WFDC6: variants seen among roughly 807,000 people sequenced by gnomAD.
The protein encoded by WFDC6 is WAP four-disulfide core domain protein 6.
WFDC6 carries 10 observed loss-of-function variants against 8.2 expected under a neutral mutation model. That is an observed-to-expected ratio of 1.22 (90% CI 0.75 to 2.07). WFDC6 has a LOEUF of 2.07. Ranked by LOEUF, WFDC6 falls within the 30% of genes most tolerant of loss-of-function variation. The pLI is 0.00. For missense variants in WFDC6, 105 were observed against 104.9 expected, an observed-to-expected ratio of 1.00 and a Z score of 0.00; for synonymous variants, 28 against 37.0, an observed-to-expected ratio of 0.76 and a Z score of 0.88.
intron 1 of WFDC6, 32 bp downstream of exon 1, chr20:45,539,285 C>T (rs1568987278): frequency 6.3e-7 from 1 of 1,596,898 alleles, no homozygotes; most frequent in Non-Finnish European, 8.6e-7. Flanking sequence ...GTTTCCTTTC[C>T]CCATTGCAAG....
chr20:45,534,470 T>C lies in WFDC6; in HGVS notation c.258A>G (p.Glu86=). The change falls in exon 3 of 3, where the codon GAA becomes GAG. Residue 86 remains glutamate, a synonymous_variant. Coordinates refer to ENST00000372670, the MANE Select transcript of WFDC6 (RefSeq NM_080827.2). The stretch of plus-strand genomic sequence containing the variant: ...ATTATGAGCCAAATCCTGGAGGTTA[T>C]TCAAGCTCCTCCTTATGGTATAAAG... ...SLTLYHKEEL[E] The C allele has an allele frequency of 6.2e-7, 1 of 1,614,016 alleles. No homozygotes were observed. The highest frequency in any genetic ancestry group is 8.5e-7 in the Non-Finnish European group (1 of 1,179,930).
intron 2 of WFDC6, chr20:45,536,730 C>T (rs994370989): frequency 2.0e-5 from 3 of 152,226 alleles, no homozygotes; most frequent in Non-Finnish European, 4.4e-5. Context: ...CATATTCATG[C>T]TTCATGGTTC....
intron 1 of WFDC6, among the ~76,000 whole-genome samples, chr20:45,538,516 A>G (rs1979461080): frequency 6.6e-6 from 1 of 152,104 alleles, no homozygotes; most frequent in Non-Finnish European, 1.5e-5. Context: ...CTGAGCCTTG[A>G]TTTCCTCATT....
At position 45,534,363 on chromosome 20, in the gene WFDC6, G is replaced by T; in HGVS notation, c.*104C>A. On this transcript the variant is annotated 3_prime_UTR_variant, in exon 3 of 3. Coordinates refer to ENST00000372670, the MANE Select transcript of WFDC6 (RefSeq NM_080827.2). ...AGAAAGTGTGTAAGCAATTCCTGGGGTTCAGTTTCTGGAACAGCCAAGGTT... is the reference window on the plus strand; with the variant it reads ...AGAAAGTGTGTAAGCAATTCCTGGGTTTCAGTTTCTGGAACAGCCAAGGTT... 1 of 1,340,874 alleles carries T rather than the reference G, an allele frequency of 7.5e-7. No homozygotes were observed. The highest frequency in any genetic ancestry group is 1.1e-6 in the Non-Finnish European group (1 of 931,886). The allele number at this position is 1,340,874 out of a possible 1,614,324, so 83.1% of individuals were successfully genotyped here. A position where few individuals can be genotyped will look rare whatever the true frequency, so the allele number is the denominator to read the frequency against.
intron 2 of WFDC6, 60 bp downstream of exon 2, chr20:45,537,904 G>A (rs1331775097): frequency 7.3e-5 from 117 of 1,611,428 alleles, no homozygotes; most frequent in Non-Finnish European, 1.7e-5. Context: ...CAGAGGTAGT[G>A]CAGTGCAGGT....
chr20:45,538,245 C>A, intron 1 of WFDC6, 151 bp from the exon 2 acceptor site: 1 of 1,393,558 alleles, frequency 7.2e-7, no homozygotes, highest in African/African-American at 1.4e-5. Flanking sequence ...TCAGGAATTT[C>A]ACAACACTGC....
chr20:45,534,235 TTCATACAAATAAATGGG>T lies in WFDC6; in HGVS notation c.*215_*231del. On this transcript the variant is annotated 3_prime_UTR_variant, in exon 3 of 3. Coordinates refer to ENST00000372670, the MANE Select transcript of WFDC6 (RefSeq NM_080827.2). ...GCACTTTATTAAGGCAACTGAAGCC[TTCATACAAATAAATGGG>T]GGGTCTGAAAGTTGAAGACATAGAG... 1.7e-6 allele frequency: 1 copy of T among 588,568 alleles called. No homozygotes were observed. The highest frequency in any genetic ancestry group is 3.0e-6 in the Non-Finnish European group (1 of 328,764). 36.5% of individuals were successfully genotyped at this position (588,568 alleles called of 1,614,324 possible).
At chr20:45,537,042 A>G (rs1979392304) in intron 2 of WFDC6, 1 of 164,048 alleles carries the variant, frequency 6.1e-6, no homozygotes. Context: ...CTTGAAAGGT[A>G]TGTCAACCTA....
chr20:45,534,495 G>A lies in WFDC6; in HGVS notation c.233C>T (p.Thr78Ile), dbSNP rs1432939325. The A allele has an allele frequency of 6.2e-7, 1 of 1,613,860 alleles. No homozygotes were observed. ...KCLDFRKVSL[T>I]LYHKEELE Reference sequence around the variant, plus strand: ...TTCAAGCTCCTCCTTATGGTATAAAGTAAGGCTGACCTGTGAAGCAGAAGA... The same window carrying A: ...TTCAAGCTCCTCCTTATGGTATAAAATAAGGCTGACCTGTGAAGCAGAAGA... Residue 78 changes from threonine to isoleucine, a missense_variant, in exon 3 of 3, where the codon ACT becomes ATT. Physicochemically the swap from Thr to Ile is moderately conservative, Grantham distance 89. Coordinates refer to ENST00000372670, the MANE Select transcript of WFDC6 (RefSeq NM_080827.2).
rs764595658 is a variant in WFDC6, at chr20:45,539,384, T to A, written c.24A>T (p.Pro8=). The change falls in exon 1 of 3, where the codon CCA becomes CCT. Residue 8 remains proline (P), a synonymous_variant. Transcript: ENST00000372670. MGLSGLL[P]ILVPFILLGD... ...CCAAAAGGATGAATGGTACCAGGATTGGCAGAAGTCCTGAGAGTCCCATTT... is the reference window on the plus strand; with the variant it reads ...CCAAAAGGATGAATGGTACCAGGATAGGCAGAAGTCCTGAGAGTCCCATTT... The A allele has an allele frequency of 3.6e-5, 58 of 1,613,782 alleles. 1 individual carries two copies. Among genetic ancestry groups the A allele is most frequent in the Non-Finnish European group, 4.7e-5 (55 of 1,179,844 alleles).
In WFDC6 at chr20:45,539,374, G is replaced by A. The variant is rs1192502163; in HGVS notation, c.34C>T (p.Pro12Ser). The A allele has an allele frequency of 8.1e-6, 13 of 1,613,778 alleles. No individual in the cohort carries two copies. Among genetic ancestry groups the A allele is most frequent in the Non-Finnish European group, 1.1e-5 (13 of 1,179,868 alleles). ...GLSGLLPILVPFILLGDIQEP... is the reference protein window; with the variant it reads ...GLSGLLPILVSFILLGDIQEP... The stretch of plus-strand genomic sequence containing the variant: ...TGGATGTCCCCCAAAAGGATGAATG[G>A]TACCAGGATTGGCAGAAGTCCTGAG... The change falls in exon 1 of 3, where the codon CCA becomes TCA. Residue 12 changes from proline to serine, a missense_variant. Transcript: ENST00000372670.
chr20:45,536,005 A>G (rs993993183), intron 2 of WFDC6, among the ~76,000 whole-genome samples: 1 of 152,032 alleles, frequency 6.6e-6, no homozygotes, highest in Non-Finnish European at 1.5e-5. Flanking sequence ...ATTCTTTAAA[A>G]CCCTTTCCGG....
intron 2 of WFDC6, among the ~76,000 whole-genome samples, chr20:45,535,795 G>A (rs926122332): frequency 2.6e-5 from 4 of 152,194 alleles, no homozygotes; most frequent in Non-Finnish European, 4.4e-5. Flanking sequence ...CCGATCTGCT[G>A]GGCACAGGAT....
chr20:45,534,590 G>A, intron 2 of WFDC6, 85 bp from the exon 3 acceptor site: 1 of 1,504,390 alleles, frequency 6.6e-7, no homozygotes, highest in Non-Finnish European at 9.1e-7. Context: ...GAAAAAGGAG[G>A]TGGGATCATT....
intron 1 of WFDC6, among the ~76,000 whole-genome samples, chr20:45,539,083 C>T (rs6094161): frequency 6.6e-6 from 1 of 152,118 alleles, no homozygotes; most frequent in African/African-American, 2.4e-5. Flanking sequence ...GTCCAGGCAC[C>T]TCCAGGAAGA....
intron 2 of WFDC6, chr20:45,535,479 C>A: frequency 2.2e-6 from 2 of 908,306 alleles, no homozygotes; most frequent in South Asian, 1.9e-5. Context: ...TGAACCCTGA[C>A]CACTCATTTT....
intron 2 of WFDC6, chr20:45,537,323 C>T (rs1374702665): frequency 1.7e-6 from 1 of 598,036 alleles, no homozygotes; most frequent in East Asian, 2.8e-5. Flanking sequence ...GATCTTAAAT[C>T]ATGGATCTCT....
chr20:45,538,496 G>T (rs1207681969), intron 1 of WFDC6, among the ~76,000 whole-genome samples: 2 of 152,192 alleles, frequency 1.3e-5, no homozygotes, highest in African/African-American at 4.8e-5. Flanking sequence ...TGGTGTGCCA[G>T]GCACTCTCTC....
chr20:45,538,555 C>T (rs1202593175), intron 1 of WFDC6, among the ~76,000 whole-genome samples: 1 of 152,178 alleles, frequency 6.6e-6, no homozygotes, highest in Non-Finnish European at 1.5e-5. Context: ...GAAGACTAAC[C>T]AGCAACACAG....
Sources: allele counts gnomAD v4.1 joint callset (sites outside exome capture counted in the v4.1 genomes callset), GRCh38; gene constraint gnomAD v4.1.1; transcripts MANE v1.5; gene names NCBI Gene and HGNC (gene_info 2026-07-23, HGNC 2026-07-21).